Variants in ELP1 observed in about 807,000 individuals in gnomAD.
ELP1 encodes elongator acetyltransferase complex subunit 1, also known as elongator complex protein 1.
ELP1 carries 131 observed loss-of-function variants against 183.2 expected under a neutral mutation model. That is an observed-to-expected ratio of 0.72 (90% CI 0.62 to 0.83). The LOEUF (loss-of-function observed/expected upper bound fraction) is 0.83. Among genes scored for constraint, ELP1 ranks in the 40% least tolerant of loss-of-function variants. The pLI is 0.00. For synonymous variants in ELP1, 555 were observed against 569.0 expected (o/e 0.98, Z 0.35); for missense variants, 1,550 against 1,594.9 (o/e 0.97, Z 0.48).
chr9:108,871,828 C>T lies in ELP1; in HGVS notation c.3932-2646G>A, dbSNP rs1238567050. On this transcript the variant is annotated intron_variant, in intron 36 of 36. Transcript: ENST00000374647. ...CAATCCTGCACCCACATAAAAGCTG[C>T]ATCTTCAATACAACATAAAAAGGTA... 2.0e-5 allele frequency among the ~76,000 whole-genome samples: 3 copies of T among 152,208 alleles called. No individual in the cohort carries two copies. The East Asian group carries it at 5.8e-4, about 29-fold the overall frequency.
chr9:108,890,669 G>A (rs1007756052), intron 28 of ELP1, among the ~76,000 whole-genome samples: 2 of 152,106 alleles, frequency 1.3e-5, no homozygotes, highest in Non-Finnish European at 2.9e-5. Flanking sequence ...TCGACATTTG[G>A]CCTTTTATTT....
chr9:108,889,274 C>T lies in ELP1; in HGVS notation c.3222+58G>A. On this transcript the variant is annotated intron_variant, in intron 29 of 36. Transcript: ENST00000374647. ...TTTAACTTTCATGATCACTAAGATA[C>T]AATTGAGAAGACCTTTCTTGCTGAC... The T allele has an allele frequency of 1.3e-5, 18 of 1,421,880 alleles. No homozygotes were observed. In the South Asian group the frequency reaches 2.0e-4, roughly 15 times the overall value. The allele number at this position is 1,421,880 out of a possible 1,614,324, so 88.1% of individuals were successfully genotyped here. A position where few individuals can be genotyped will look rare whatever the true frequency, so the allele number is the denominator to read the frequency against.
chr9:108,880,101 A>T lies in ELP1; in HGVS notation c.3411T>A (p.Arg1137=). 5 of 1,614,026 alleles carry T rather than the reference A, an allele frequency of 3.1e-6. No individual in the cohort carries two copies. The highest frequency in any genetic ancestry group is 4.2e-6 in the Non-Finnish European group (5 of 1,179,978). The change falls in exon 32 of 37, where the codon CGT becomes CGA. Residue 1137 remains arginine (R), a synonymous_variant. Transcript: ENST00000374647. ...QTATFSRHKK[R]LLVVRELKEQ... ...CCTTGAGCTCTCGAACTACCAATAA[A>T]CGTTTCTTGTGGCGACTGAATGTGG...
intron 19 of ELP1, 25 bp from the exon 20 acceptor site, chr9:108,899,920 T>A: frequency 1.3e-6 from 2 of 1,585,234 alleles, no homozygotes; most frequent in Non-Finnish European, 1.7e-6. Flanking sequence ...AGCAGTAACA[T>A]TTTTAATTAA....
intron 36 of ELP1, among the ~76,000 whole-genome samples, chr9:108,872,594 G>C (rs1025052154): frequency 9.9e-5 from 15 of 151,752 alleles, no homozygotes; most frequent in Admixed American, 7.9e-4. Context: ...CACGAGGTCA[G>C]GAGATCGAGA....
At chr9:108,877,359 TAATA>T (rs1269519792) in intron 35 of ELP1, among the ~76,000 whole-genome samples, 2 of 152,216 alleles carry the variant, frequency 1.3e-5, no homozygotes, top group African/African-American at 2.4e-5. Flanking sequence ...TGTGATAAAA[TAATA>T]GATAGGCTTT....
chr9:108,896,549 G>A lies in ELP1; in HGVS notation c.2683C>T (p.Leu895Phe), dbSNP rs1828553331. 1 of 1,614,090 alleles carries A rather than the reference G, an allele frequency of 6.2e-7. No individual in the cohort carries two copies. The highest frequency in any genetic ancestry group is 8.5e-7 in the Non-Finnish European group (1 of 1,179,946). Residue 895 changes from leucine (L) to phenylalanine (F), a missense_variant, in exon 25 of 37, where the codon CTT becomes TTT. Coordinates refer to ENST00000374647, the MANE Select transcript of ELP1 (RefSeq NM_003640.5). ...ACCAAATCAAAGTCATAGGTGCCAAGAGAATGATCATATAATTCATTAACA... is the reference window on the plus strand; with the variant it reads ...ACCAAATCAAAGTCATAGGTGCCAAAAGAATGATCATATAATTCATTAACA... Reference protein sequence around the residue: ...VDVNELYDHSLGTYDFDLVLM... With the variant: ...VDVNELYDHSFGTYDFDLVLM...
At position 108,882,438 on chromosome 9, in the gene ELP1, C is replaced by T. The variant is rs1447132940; in HGVS notation, c.3223-251G>A. ...ATCATCTCTCTGCACGCCTGGACAT[C>T]AAAACCACCAGAAACGTCTGTTAGA... On this transcript the variant is annotated intron_variant, in intron 29 of 36. Coordinates refer to ENST00000374647, the MANE Select transcript of ELP1 (RefSeq NM_003640.5). Among the ~76,000 whole-genome samples, 3 of 152,128 alleles carry T rather than the reference C, an allele frequency of 2.0e-5. No homozygotes were observed. The East Asian group carries it at 5.8e-4, about 29-fold the overall frequency.
chr9:108,884,193 G>A (rs549218655), intron 29 of ELP1, among the ~76,000 whole-genome samples: 2 of 152,218 alleles, frequency 1.3e-5, no homozygotes, highest in African/African-American at 4.8e-5. Context: ...AGAGAAAGAA[G>A]GATATCAAAA....
At chr9:108,919,164 C>A in intron 7 of ELP1, 89 bp downstream of exon 7, 4 of 870,378 alleles carry the variant, frequency 4.6e-6, no homozygotes, top group Non-Finnish European at 7.6e-6. Flanking sequence ...TAATTAATAC[C>A]CTACTCAAAG....
chr9:108,872,428 A>G, intron 36 of ELP1, among the ~76,000 whole-genome samples: 1 of 152,232 alleles, frequency 6.6e-6, no homozygotes, highest in East Asian at 1.9e-4. Context: ...TCAATACTGA[A>G]AAAAGGCTAC....
intron 27 of ELP1, 62 bp downstream of exon 27, chr9:108,892,924 A>C (rs1331172237): frequency 2.7e-6 from 3 of 1,106,158 alleles, no homozygotes; most frequent in Non-Finnish European, 4.2e-6. Flanking sequence ...TAGGATCCTC[A>C]CTCCTTTCCT....
intron 8 of ELP1, among the ~76,000 whole-genome samples, chr9:108,918,537 C>T (rs1434601485): frequency 6.6e-6 from 1 of 152,050 alleles, no homozygotes; most frequent in African/African-American, 2.4e-5. Flanking sequence ...CTTAAAACCA[C>T]AGCCTTTTAA....
intron 14 of ELP1, among the ~76,000 whole-genome samples, chr9:108,904,125 T>A (rs1828927528): frequency 1.3e-5 from 2 of 152,174 alleles, no homozygotes; most frequent in African/African-American, 4.8e-5. Flanking sequence ...ACACTCAATA[T>A]CTCTATCACT....
chr9:108,881,311 A>G (rs1410458012), intron 31 of ELP1, among the ~76,000 whole-genome samples: 1 of 152,234 alleles, frequency 6.6e-6, no homozygotes, highest in African/African-American at 2.4e-5. Flanking sequence ...AGGCAGAGAT[A>G]TGATCCTTCA....
rs182294777 is a variant in ELP1, at chr9:108,917,297, G to A, written c.864+250C>T. 1.5e-3 allele frequency among the ~76,000 whole-genome samples: 230 copies of A among 152,102 alleles called. 1 individual carries two copies. Among genetic ancestry groups the A allele is most frequent in the African/African-American group, 5.1e-3 (212 of 41,508 alleles). On this transcript the variant is annotated intron_variant, in intron 9 of 36. Transcript: ENST00000374647. ...AGCCTGACCAACACGGAGAAACCCCGTCTCTACTAAAAATACAAAATTAGC... is the reference window on the plus strand; with the variant it reads ...AGCCTGACCAACACGGAGAAACCCCATCTCTACTAAAAATACAAAATTAGC...
At chr9:108,888,715 A>G (rs1298714918) in intron 29 of ELP1, among the ~76,000 whole-genome samples, 1 of 152,232 alleles carries the variant, frequency 6.6e-6, no homozygotes, top group Non-Finnish European at 1.5e-5. Context: ...ATTAAGTTAC[A>G]TAAATGTGCT....
Position 108,899,879 on chromosome 9 carries a change from A to G in ELP1, c.2147T>C (p.Leu716Ser), listed in dbSNP as rs767003999. 6.2e-7 allele frequency: 1 copy of G among 1,614,036 alleles called. No individual in the cohort carries two copies. Among genetic ancestry groups the G allele is most frequent in the Non-Finnish European group, 8.5e-7 (1 of 1,179,932 alleles). Residue 716 changes from leucine (L) to serine (S), a missense_variant, in exon 20 of 37, where the codon TTA becomes TCA. Physicochemically the swap from Leu to Ser is moderately radical, Grantham distance 145 (BLOSUM62 -2). Transcript: ENST00000374647. Reference protein sequence around the residue: ...KLVLQMPRGNLEVVHHRALVL... With the variant: ...KLVLQMPRGNSEVVHHRALVL... ...CAGGGCTCGATGATGAACAACTTCT[A>G]AGTTTCCCCTTGGCATCTTAAATAA...
Position 108,874,881 on chromosome 9 carries a change from GA to G in ELP1, c.3931+13del. On this transcript the variant is annotated intron_variant, in intron 36 of 36. Coordinates refer to ENST00000374647, the MANE Select transcript of ELP1 (RefSeq NM_003640.5). Reference sequence around the variant, plus strand: ...TGCTTAGTATTGTAATATTAAATGAGAAAAAATACTAACCAAGAACAGGAAC... The same window carrying G: ...TGCTTAGTATTGTAATATTAAATGAGAAAAATACTAACCAAGAACAGGAAC... The G allele has an allele frequency of 2.6e-6, 4 of 1,553,026 alleles. No individual in the cohort carries two copies. Among genetic ancestry groups the G allele is most frequent in the African/African-American group, 1.4e-5 (1 of 73,766 alleles).
Sources: allele counts gnomAD v4.1 joint callset (sites outside exome capture counted in the v4.1 genomes callset), GRCh38; gene constraint gnomAD v4.1.1; transcripts MANE v1.5; gene names NCBI Gene and HGNC (gene_info 2026-07-23, HGNC 2026-07-21).